PLA2G5: variants seen among roughly 807,000 people sequenced by gnomAD.
PLA2G5 encodes the protein Ca2+-dependent phospholipase A2.
Under a neutral mutation model 15.9 loss-of-function variants are expected in PLA2G5, and 12 were observed. The ratio of observed to expected loss-of-function variants is 0.76; its 90% confidence interval spans 0.48 to 1.23. The LOEUF (loss-of-function observed/expected upper bound fraction) is 1.23. Ranked by LOEUF, PLA2G5 falls within the 50% of genes most tolerant of loss-of-function variation. The pLI is 0.00. For synonymous variants in PLA2G5, 71 were observed against 71.4 expected, an observed-to-expected ratio of 0.99 and a Z score of 0.03; for missense variants, 169 against 177.1, an observed-to-expected ratio of 0.95 and a Z score of 0.26.
chr1:20,043,447 A>G (rs570446110), intron 1 of PLA2G5, among the ~76,000 whole-genome samples: 1 of 152,212 alleles, frequency 6.6e-6, no homozygotes, highest in South Asian at 2.1e-4. Context: ...GAGTGGGGTA[A>G]GGGTGATTAG....
chr1:20,055,988 T>C lies in PLA2G5; in HGVS notation n.277-3644T>C, dbSNP rs1569704935. On this transcript the variant is annotated intron_variant and non_coding_transcript_variant, in intron 1 of 6. Coordinates refer to the PLA2G5 transcript ENST00000460175. ...GTTTAGGAGTTATCTGGGTAAGTAT[T>C]TTCTGCATCTTGGCTCACTCAACAT... 2.0e-5 allele frequency among the ~76,000 whole-genome samples: 3 copies of C among 152,280 alleles called. No homozygotes were observed. In the East Asian group the frequency reaches 5.8e-4, roughly 29 times the overall value.
intron 1 of PLA2G5, among the ~76,000 whole-genome samples, chr1:20,031,967 T>C (rs1479822646): frequency 6.6e-6 from 1 of 151,792 alleles, no homozygotes; most frequent in African/African-American, 2.4e-5. Flanking sequence ...AACTACCCGG[T>C]ATAGAAGGGG....
chr1:20,039,736 CTG>C (rs2013481074), intron 1 of PLA2G5, among the ~76,000 whole-genome samples: 1 of 152,064 alleles, frequency 6.6e-6, no homozygotes, highest in Admixed American at 6.6e-5. Flanking sequence ...TACATACTGA[CTG>C]TGTATCTGTG....
rs865939170 is a variant in PLA2G5, at chr1:20,090,811, G to A, written c.*119G>A. 7 of 1,075,910 alleles carry A rather than the reference G, an allele frequency of 6.5e-6. No homozygotes were observed. The highest frequency in any genetic ancestry group is 4.1e-4 in the Middle Eastern group (2 of 4,824). 66.6% of individuals were successfully genotyped at this position (1,075,910 alleles called of 1,614,324 possible). ...TAAGTCACAGACCTCAGTCTTTCTC[G>A]AAGCTTGGCGGACCCCCAGGGCCAC... On this transcript the variant is annotated 3_prime_UTR_variant, in exon 5 of 5. Transcript: ENST00000375108.
intron 1 of PLA2G5, among the ~76,000 whole-genome samples, chr1:20,044,807 G>A (rs1307815425): frequency 6.6e-6 from 1 of 152,096 alleles, no homozygotes; most frequent in African/African-American, 2.4e-5. Context: ...TGCGATCTGA[G>A]GTGGAGCAGT....
intron 1 of PLA2G5, among the ~76,000 whole-genome samples, chr1:20,034,175 T>C (rs988863415): frequency 1.1e-4 from 16 of 152,006 alleles, no homozygotes; most frequent in African/African-American, 3.4e-4. Flanking sequence ...AAGGAGGTTA[T>C]TGATGTATTG....
upstream of PLA2G5, among the ~76,000 whole-genome samples, chr1:20,065,703 C>A (rs1177637814): frequency 6.6e-6 from 1 of 152,186 alleles, no homozygotes; most frequent in African/African-American, 2.4e-5. Flanking sequence ...TGGTTGCATC[C>A]ATTTTGGGAA....
intron 1 of PLA2G5, chr1:20,054,949 TC>T (rs2014361721): frequency 6.6e-6 from 1 of 152,162 alleles, no homozygotes; most frequent in Admixed American, 6.5e-5. Flanking sequence ...CACTATGCCC[TC>T]CCCAACAGAA....
At chr1:20,085,165 A>AT (rs1456970799) in intron 2 of PLA2G5, among the ~76,000 whole-genome samples, 1 of 152,116 alleles carries the variant, frequency 6.6e-6, no homozygotes, top group East Asian at 1.9e-4. Context: ...TAGGAGGCAG[A>AT]TTTTTTCCCT....
intron 1 of PLA2G5, among the ~76,000 whole-genome samples, chr1:20,075,955 C>A (rs912355912): frequency 6.6e-6 from 1 of 151,474 alleles, no homozygotes; most frequent in South Asian, 2.1e-4. Context: ...CACTGCAACC[C>A]CCGCCTTCCG....
chr1:20,087,833 G>A (rs910359440), intron 3 of PLA2G5, among the ~76,000 whole-genome samples: 1 of 152,144 alleles, frequency 6.6e-6, no homozygotes, highest in African/African-American at 2.4e-5. Context: ...ACATTGATGG[G>A]GATGTGACAA....
In PLA2G5 at chr1:20,082,503, A is replaced by T. The variant is rs527453702; in HGVS notation, c.-10-2318A>T. On this transcript the variant is annotated intron_variant, in intron 1 of 4. Transcript: ENST00000375108. Reference sequence around the variant, plus strand: ...CACCCAGCTCCTGAGATCTTACTGGAAGCTGCTGATCACCTGCTTCAGGTA... The same window carrying T: ...CACCCAGCTCCTGAGATCTTACTGGTAGCTGCTGATCACCTGCTTCAGGTA... 1.8e-4 allele frequency among the ~76,000 whole-genome samples: 28 copies of T among 152,020 alleles called. No homozygotes were observed. In the South Asian group the frequency reaches 5.4e-3, roughly 29 times the overall value.
intron 1 of PLA2G5, among the ~76,000 whole-genome samples, chr1:20,073,873 A>G (rs1420603920): frequency 1.3e-5 from 2 of 152,122 alleles, no homozygotes; most frequent in Non-Finnish European, 2.9e-5. Context: ...CCATCCAAAA[A>G]AAAAAGAAGA....
chr1:20,047,495 G>A lies in PLA2G5; in HGVS notation n.277-12137G>A, dbSNP rs188832068. Among the ~76,000 whole-genome samples, 378 of 152,254 alleles carry A rather than the reference G, an allele frequency of 2.5e-3. 1 individual carries two copies. The highest frequency in any genetic ancestry group is 8.4e-3 in the African/African-American group (348 of 41,554). ...AAAATGAAAGTAGTATGGTCTTTGT[G>A]CACATTTACATTGAGAAAAAGAGCC... On this transcript the variant is annotated intron_variant and non_coding_transcript_variant, in intron 1 of 6. Transcript: ENST00000460175.
At chr1:20,078,036 C>T (rs2015781618) in intron 1 of PLA2G5, among the ~76,000 whole-genome samples, 1 of 152,118 alleles carries the variant, frequency 6.6e-6, no homozygotes, top group African/African-American at 2.4e-5. Context: ...AACACACCTG[C>T]ATTTGGGGGG....
intron 1 of PLA2G5, among the ~76,000 whole-genome samples, chr1:20,072,775 AGAG>A (rs1297105195): frequency 1.3e-5 from 2 of 152,196 alleles, no homozygotes; most frequent in African/African-American, 2.4e-5. Context: ...GTGTCTCAAA[AGAG>A]GAGGCACCTC....
At position 20,060,148 on chromosome 1, in the gene PLA2G5, C is replaced by T. The variant is rs887202924; in HGVS notation, n.337+456C>T. Among the ~76,000 whole-genome samples, 4 of 151,798 alleles carry T rather than the reference C, an allele frequency of 2.6e-5. No individual in the cohort carries two copies. The East Asian group carries it at 7.7e-4, about 29-fold the overall frequency. Reference sequence around the variant, plus strand: ...CTATAGGCCACTGACCTTCTTGGCTCAACCTACGGCACTGTAAAGCCATGC... The same window carrying T: ...CTATAGGCCACTGACCTTCTTGGCTTAACCTACGGCACTGTAAAGCCATGC... On this transcript the variant is annotated intron_variant and non_coding_transcript_variant, in intron 2 of 6. Transcript: ENST00000460175.
chr1:20,048,191 A>C (rs939291412), intron 1 of PLA2G5, among the ~76,000 whole-genome samples: 3 of 152,314 alleles, frequency 2.0e-5, no homozygotes, highest in Admixed American at 1.3e-4. Flanking sequence ...AGGAAAAAAG[A>C]AAAGAGTAGT....
intron 1 of PLA2G5, among the ~76,000 whole-genome samples, chr1:20,053,815 G>A (rs911584189): frequency 6.6e-6 from 1 of 152,176 alleles, no homozygotes; most frequent in Non-Finnish European, 1.5e-5. Context: ...AAAGTTCACA[G>A]TTTAATTAGG....
Sources: gnomAD v4.1 joint callset for allele counts (sites outside exome capture counted in the v4.1 genomes callset) on GRCh38, gnomAD v4.1.1 for gene constraint, MANE v1.5 for transcripts, NCBI Gene and HGNC (gene_info 2026-07-23, HGNC 2026-07-21) for gene names.